The following PTDSS1 variants were observed in gnomAD, a reference collection of about 807,000 sequenced individuals.
The protein encoded by PTDSS1 is PSS-1.
In PTDSS1, 45 loss-of-function variants were observed where a neutral mutation model predicts 70.5. That is an observed-to-expected ratio of 0.64 (90% CI 0.50 to 0.82). The LOEUF (loss-of-function observed/expected upper bound fraction) is 0.82, where lower values mean the gene tolerates loss of function less well. Among genes scored for constraint, PTDSS1 ranks in the 40% least tolerant of loss-of-function variants. The pLI is 0.00. For synonymous variants in PTDSS1, 188 were observed against 203.8 expected, an observed-to-expected ratio of 0.92 and a Z score of 0.66; for missense variants, 417 against 586.1, an observed-to-expected ratio of 0.71 and a Z score of 2.98.
rs62514610 is a variant in PTDSS1, at chr8:96,332,271, G to A, written c.1312+1176G>A. Reference sequence around the variant, plus strand: ...TGATTTCATTGGACAGTAATTCCTCGTCAATCCTTATAAGCTACTTGGGAA... The same window carrying A: ...TGATTTCATTGGACAGTAATTCCTCATCAATCCTTATAAGCTACTTGGGAA... On this transcript the variant is annotated intron_variant, in intron 12 of 12. Coordinates refer to ENST00000517309, the MANE Select transcript of PTDSS1 (RefSeq NM_014754.3). Among the ~76,000 whole-genome samples the A allele has an allele frequency of 2.0e-5, 3 of 152,250 alleles. No individual in the cohort carries two copies. The South Asian group carries it at 6.2e-4, about 32-fold the overall frequency.
intron 4 of PTDSS1, among the ~76,000 whole-genome samples, chr8:96,294,250 T>G (rs1810945081): frequency 6.6e-6 from 1 of 152,210 alleles, no homozygotes; most frequent in Admixed American, 6.5e-5. Flanking sequence ...AATTTAAAAC[T>G]ATTATAGTTT....
rs566914994 is a variant in PTDSS1 at position 96,312,012 on chromosome 8, C to T, written c.1073+2390C>T. On this transcript the variant is annotated intron_variant, in intron 9 of 12. Coordinates refer to ENST00000517309, the MANE Select transcript of PTDSS1 (RefSeq NM_014754.3). ...AAGTCCTTAGCAAGGTCCTATTATT[C>T]TGCTGTGGAGTGGATTTTTTTTCCA... Among the ~76,000 whole-genome samples, 139 of 152,316 alleles carry T rather than the reference C, an allele frequency of 9.1e-4. 1 individual carries two copies. Among genetic ancestry groups the T allele is most frequent in the Non-Finnish European group, 1.8e-3 (120 of 68,018 alleles).
At chr8:96,302,670 C>T (rs1284461686) in intron 6 of PTDSS1, among the ~76,000 whole-genome samples, 1 of 152,176 alleles carries the variant, frequency 6.6e-6, no homozygotes, top group Non-Finnish European at 1.5e-5. Flanking sequence ...CAACCTCTGT[C>T]TCCCAGGTTC....
rs907063082 is a variant in PTDSS1, at chr8:96,262,618, C to G, written c.179+399C>G. ...ATCATGTCGTATGCACCACTTTCAGCACACACCGCTACACATACAAAGCAC... is the reference window on the plus strand; with the variant it reads ...ATCATGTCGTATGCACCACTTTCAGGACACACCGCTACACATACAAAGCAC... On this transcript the variant is annotated intron_variant, in intron 1 of 12. Transcript: ENST00000517309. The surrounding 1 kb of genome is among the most constrained non-coding windows in gnomAD (Gnocchi z 4.4). 1.3e-5 allele frequency among the ~76,000 whole-genome samples: 2 copies of G among 152,184 alleles called. No homozygotes were observed. The highest frequency in any genetic ancestry group is 4.8e-5 in the African/African-American group (2 of 41,432).
chr8:96,326,825 C>A (rs967304611), intron 10 of PTDSS1, among the ~76,000 whole-genome samples: 1 of 152,174 alleles, frequency 6.6e-6, no homozygotes, highest in Non-Finnish European at 1.5e-5. Flanking sequence ...TGCTGCCAGG[C>A]CTAGTTGACA....
chr8:96,274,892 G>C (rs1810619395), intron 2 of PTDSS1, among the ~76,000 whole-genome samples: 1 of 152,172 alleles, frequency 6.6e-6, no homozygotes, highest in South Asian at 2.1e-4. Context: ...ATCTCTCAGA[G>C]AATGAATTGT....
rs1163604472 is a variant in PTDSS1 at position 96,262,853 on chromosome 8, C to CTGTA, written c.179+635_179+638dup. Among the ~76,000 whole-genome samples the CTGTA allele has an allele frequency of 6.6e-6, 1 of 152,224 alleles. No homozygotes were observed. The highest frequency in any genetic ancestry group is 1.5e-5 in the Non-Finnish European group (1 of 68,034). ...TTCCCCCAGCCTCAAACACTACCAT[C>CTGTA]TGTACCACGGCACAAACTGCCACTC... On this transcript the variant is annotated intron_variant, in intron 1 of 12. Transcript: ENST00000517309. This position sits in a 1 kb window ranked among gnomAD's most constrained non-coding sequence, Gnocchi z 4.4.
chr8:96,299,902 G>A, intron 6 of PTDSS1, 57 bp downstream of exon 6: 4 of 1,531,186 alleles, frequency 2.6e-6, no homozygotes. Flanking sequence ...ATATTTAATT[G>A]TTTTGGTAGG....
rs147185268 is a variant in PTDSS1, at chr8:96,304,978, A to G, written c.894+797A>G. Among the ~76,000 whole-genome samples, 460 of 152,370 alleles carry G rather than the reference A, an allele frequency of 3.0e-3. 4 individuals are homozygous for G. The highest frequency in any genetic ancestry group is 0.011 in the African/African-American group (440 of 41,590). On this transcript the variant is annotated intron_variant, in intron 7 of 12. Transcript: ENST00000517309. The stretch of plus-strand genomic sequence containing the variant: ...TGATCTTCCTTGTTCACACAGAGAC[A>G]ATGCCCATCGCAATAAATGAAGTTT...
intron 10 of PTDSS1, among the ~76,000 whole-genome samples, chr8:96,327,602 AT>A (rs1185523662): frequency 6.6e-6 from 1 of 152,132 alleles, no homozygotes; most frequent in Non-Finnish European, 1.5e-5. Flanking sequence ...AAAGCCCCTA[AT>A]TACTCCCCTG....
chr8:96,273,155 A>AT, intron 1 of PTDSS1, 144 bp from the exon 2 acceptor site: 1 of 609,134 alleles, frequency 1.6e-6, no homozygotes, highest in Non-Finnish European at 2.9e-6. Flanking sequence ...TATGATCTGT[A>AT]TAAATCTCTT....
Position 96,333,785 on chromosome 8 carries a change from C to T in PTDSS1, c.*219C>T, listed in dbSNP as rs1334041839. 5 of 701,928 alleles carry T rather than the reference C, an allele frequency of 7.1e-6. No individual in the cohort carries two copies. Among genetic ancestry groups the T allele is most frequent in the Non-Finnish European group, 5.2e-6 (2 of 385,342 alleles). 43.5% of individuals were successfully genotyped at this position (701,928 alleles called of 1,614,324 possible). On this transcript the variant is annotated 3_prime_UTR_variant, in exon 13 of 13. Transcript: ENST00000517309. ...GGGGGCCTTTGCCAACGTGGGGTCT[C>T]TTCTAACTTCAGCACTTGACATGCG...
chr8:96,309,634 G>A lies in PTDSS1; in HGVS notation c.1073+12G>A. ...TGCTGGGTGTTTGGGTGAGTAATCT[G>A]TTATTGTGGAGATTTAAAAACCACT... On this transcript the variant is annotated intron_variant, in intron 9 of 12. Transcript: ENST00000517309. 6.2e-7 allele frequency: 1 copy of A among 1,613,688 alleles called. No homozygotes were observed.
intron 8 of PTDSS1, among the ~76,000 whole-genome samples, chr8:96,307,434 A>G (rs1426372805): frequency 8.2e-6 from 1 of 121,520 alleles, no homozygotes; most frequent in African/African-American, 3.5e-5. Context: ...TCTTCTTGTC[A>G]TCATTCAATA....
chr8:96,316,027 G>T (rs1811283508), intron 9 of PTDSS1, among the ~76,000 whole-genome samples: 1 of 152,170 alleles, frequency 6.6e-6, no homozygotes, highest in African/African-American at 2.4e-5. Flanking sequence ...TTGAGTCTTG[G>T]TAGAAAAGTA....
rs1392802459 is a variant in PTDSS1 at position 96,336,828 on chromosome 8, T to C, written c.*3262T>C. ...CTGACCAATATGGTGAAACCCTGTCTCTGCTGAAAATACTTAAATTAGCCG... is the reference window on the plus strand; with the variant it reads ...CTGACCAATATGGTGAAACCCTGTCCCTGCTGAAAATACTTAAATTAGCCG... On this transcript the variant is annotated 3_prime_UTR_variant, in exon 13 of 13. Transcript: ENST00000517309. 6.6e-6 allele frequency: 1 copy of C among 151,542 alleles called. No individual in the cohort carries two copies. Among genetic ancestry groups the C allele is most frequent in the Non-Finnish European group, 1.5e-5 (1 of 67,998 alleles). The allele number at this position is 151,542 out of a possible 1,614,324, so 9.4% of individuals were successfully genotyped here. A position where few individuals can be genotyped will look rare whatever the true frequency, so the allele number is the denominator to read the frequency against.
intron 10 of PTDSS1, among the ~76,000 whole-genome samples, chr8:96,329,373 C>T (rs1811481697): frequency 6.6e-6 from 1 of 152,184 alleles, no homozygotes; most frequent in Non-Finnish European, 1.5e-5. Flanking sequence ...CCTGCTCTAC[C>T]GCTCACCCTC....
intron 2 of PTDSS1, among the ~76,000 whole-genome samples, chr8:96,279,790 G>C (rs958333161): frequency 2.0e-5 from 3 of 151,770 alleles, no homozygotes; most frequent in Non-Finnish European, 4.4e-5. Context: ...CTGCACTACA[G>C]CTTAGGCAAC....
chr8:96,279,137 A>AT (rs1172421875), intron 2 of PTDSS1, among the ~76,000 whole-genome samples: 4,107 of 141,164 alleles, frequency 0.029, 60 homozygotes, highest in Non-Finnish European at 0.041. Context: ...CGCCCAGCTA[A>AT]TTTTTTTTTT....
Sources: allele counts gnomAD v4.1 joint callset (sites outside exome capture counted in the v4.1 genomes callset), GRCh38; gene constraint gnomAD v4.1.1; non-coding constraint Gnocchi (gnomAD v3.1); transcripts MANE v1.5; gene names NCBI Gene and HGNC (gene_info 2026-07-23, HGNC 2026-07-21).